DGKB: variants seen among roughly 807,000 people sequenced by gnomAD.
DGKB encodes 90 kDa diacylglycerol kinase.
DGKB carries 67 observed loss-of-function variants against 114.3 expected under a neutral mutation model. That is an observed-to-expected ratio of 0.59 (90% confidence interval 0.48 to 0.72). DGKB has a LOEUF of 0.72. Among genes scored for constraint, DGKB ranks in the 30% least tolerant of loss-of-function variants. The pLI, the probability that DGKB is intolerant of heterozygous loss-of-function variation, is 0.00. For missense variants in DGKB, 907 were observed against 975.2 expected (o/e 0.93, Z 0.93); for synonymous variants, 398 against 323.1 (o/e 1.23, Z -2.49).
chr7:14,283,010 C>G (rs1800232821), intron 23 of DGKB, among the ~76,000 whole-genome samples: 1 of 151,628 alleles, frequency 6.6e-6, no homozygotes, highest in African/African-American at 2.4e-5. Flanking sequence ...AAGTTCTGGC[C>G]AGGGCAATTA....
chr7:14,940,573 G>A lies in DGKB; in HGVS notation c.-188+34123C>T, dbSNP rs540324594. Among the ~76,000 whole-genome samples the A allele has an allele frequency of 1.4e-4, 22 of 152,144 alleles. No homozygotes were observed. In the South Asian group the frequency reaches 4.6e-3, roughly 32 times the overall value. On this transcript the variant is annotated intron_variant, in intron 1 of 4. Transcript: ENST00000437998. ...TTGAGGTCACACAAAAACAACTGGT[G>A]ATCCAGTTTTGGCCCACAGGCCATA...
chr7:14,256,313 A>G (rs1795959032), intron 23 of DGKB, among the ~76,000 whole-genome samples: 1 of 151,704 alleles, frequency 6.6e-6, no homozygotes, highest in Non-Finnish European at 1.5e-5. Flanking sequence ...CTTCTTTTCT[A>G]GTACTTGTAT....
intron 2 of DGKB, among the ~76,000 whole-genome samples, chr7:14,838,365 A>G (rs552554048): frequency 6.6e-6 from 1 of 152,302 alleles, no homozygotes; most frequent in East Asian, 1.9e-4. Context: ...AATGTTTCAT[A>G]TAATACAGGA....
intron 20 of DGKB, among the ~76,000 whole-genome samples, chr7:14,552,038 G>T (rs1301573782): frequency 1.3e-5 from 2 of 151,876 alleles, no homozygotes; most frequent in Non-Finnish European, 2.9e-5. Flanking sequence ...TCTTTTTGGA[G>T]GGCTAAATAT....
At chr7:14,762,668 T>G (rs142327857) in intron 2 of DGKB, among the ~76,000 whole-genome samples, 13 of 152,078 alleles carry the variant, frequency 8.5e-5, no homozygotes, top group Non-Finnish European at 1.9e-4. Flanking sequence ...CCTGCCTCTT[T>G]GTCTCTTTAT....
At chr7:14,575,687 T>A (rs1799019012) in intron 19 of DGKB, among the ~76,000 whole-genome samples, 1 of 152,202 alleles carries the variant, frequency 6.6e-6, no homozygotes, top group African/African-American at 2.4e-5. Flanking sequence ...AGTTAAATCA[T>A]CTCTCTTTTC....
At chr7:14,480,709 C>T (rs913169050) in intron 20 of DGKB, among the ~76,000 whole-genome samples, 1 of 152,106 alleles carries the variant, frequency 6.6e-6, no homozygotes, top group Non-Finnish European at 1.5e-5. Context: ...TTCAGACTTT[C>T]TACTTCCAAG....
At position 14,392,995 on chromosome 7, in the gene DGKB, G is replaced by GTTTTGTTGTTTTTTTTTTTTTT. The variant is rs1554404749; in HGVS notation, c.1836-47605_1836-47604insAAAAAAAAAAAAAACAACAAAA. ...CAAAACAGACCTGTTTTTTGTTTTT[G>GTTTTGTTGTTTTTTTTTTTTTT]TTTTTTTTTTTTTGAGACGGAGTCT... On this transcript the variant is annotated intron_variant, in intron 21 of 25. Transcript: ENST00000402815. Among the ~76,000 whole-genome samples, 496 of 60,504 alleles carry GTTTTGTTGTTTTTTTTTTTTTT rather than the reference G, an allele frequency of 8.2e-3. 44 individuals carry two copies. Among genetic ancestry groups the GTTTTGTTGTTTTTTTTTTTTTT allele is most frequent in the African/African-American group, 0.023 (480 of 20,642 alleles). 39.7% of individuals were successfully genotyped at this position (60,504 alleles called of 152,430 possible). A position where few individuals can be genotyped will look rare whatever the true frequency, so the allele number is the denominator to read the frequency against.
At chr7:14,692,399 T>C (rs1340272224) in intron 9 of DGKB, among the ~76,000 whole-genome samples, 1 of 152,018 alleles carries the variant, frequency 6.6e-6, no homozygotes, top group Non-Finnish European at 1.5e-5. Context: ...TCATTATTAT[T>C]GGAATTTCCT....
intron 21 of DGKB, among the ~76,000 whole-genome samples, chr7:14,358,112 G>A (rs1239087235): frequency 1.3e-5 from 2 of 152,064 alleles, no homozygotes; most frequent in African/African-American, 4.8e-5. Context: ...GGTGGTCTCT[G>A]TATTTCCTGA....
At chr7:14,299,604 A>G (rs948459137) in intron 23 of DGKB, among the ~76,000 whole-genome samples, 4 of 152,094 alleles carry the variant, frequency 2.6e-5, no homozygotes, top group African/African-American at 7.2e-5. Flanking sequence ...GCCGCCCCTC[A>G]CCCACAATGT....
At position 14,702,319 on chromosome 7, in the gene DGKB, C is replaced by T. The variant is rs769910655; in HGVS notation, c.467-589G>A. On this transcript the variant is annotated intron_variant, in intron 6 of 25. Transcript: ENST00000402815. ...AGGATTGATCCCCAAGCAGTATGGG[C>T]GAGGAAGGCGGAGTGCAAAATAACA... 3.9e-5 allele frequency among the ~76,000 whole-genome samples: 6 copies of T among 151,972 alleles called. 1 individual carries two copies. Among genetic ancestry groups the T allele is most frequent in the South Asian group, 4.1e-4 (2 of 4,820 alleles).
chr7:14,470,738 T>C (rs942695933), intron 21 of DGKB, among the ~76,000 whole-genome samples: 1 of 151,770 alleles, frequency 6.6e-6, no homozygotes, highest in Middle Eastern at 3.5e-3. Context: ...TCTCATGAAA[T>C]TGATTGGATG....
chr7:14,693,004 T>G (rs964486066), intron 9 of DGKB, among the ~76,000 whole-genome samples: 2 of 152,198 alleles, frequency 1.3e-5, no homozygotes, highest in Non-Finnish European at 2.9e-5. Context: ...TATACTCATA[T>G]GTTTCACAAA....
At chr7:14,799,783 G>C (rs912800148) in intron 2 of DGKB, among the ~76,000 whole-genome samples, 3 of 152,210 alleles carry the variant, frequency 2.0e-5, no homozygotes, top group Non-Finnish European at 4.4e-5. Flanking sequence ...TGCTGTGTGA[G>C]CTGCCATGAC....
chr7:14,265,315 A>ATTTTTTTTT (rs1178230744), intron 23 of DGKB, among the ~76,000 whole-genome samples: 13 of 40,498 alleles, frequency 3.2e-4, no homozygotes, highest in East Asian at 7.0e-3. Context: ...TTTCTCTTGC[A>ATTTTTTTTT]TTCTTTTTTT....
intron 23 of DGKB, among the ~76,000 whole-genome samples, chr7:14,208,084 A>G (rs1374146340): frequency 6.6e-6 from 1 of 152,014 alleles, no homozygotes; most frequent in Admixed American, 6.6e-5. Flanking sequence ...TTGCTCCTTA[A>G]GTTATTAATT....
At chr7:14,632,496 A>AT (rs531780948) in intron 13 of DGKB, among the ~76,000 whole-genome samples, 3 of 151,804 alleles carry the variant, frequency 2.0e-5, no homozygotes, top group South Asian at 2.1e-4. Flanking sequence ...AATATATTGG[A>AT]TTTTTTTATT....
At chr7:14,962,524 C>G (rs1786906812) in intron 1 of DGKB, among the ~76,000 whole-genome samples, 1 of 151,908 alleles carries the variant, frequency 6.6e-6, no homozygotes, top group Non-Finnish European at 1.5e-5. Flanking sequence ...AATTTTGTCT[C>G]TTTCTTTTTA....
Sources: gnomAD v4.1 joint callset for allele counts (sites outside exome capture counted in the v4.1 genomes callset) on GRCh38, gnomAD v4.1.1 for gene constraint, MANE v1.5 for transcripts, NCBI Gene and HGNC (gene_info 2026-07-23, HGNC 2026-07-21) for gene names.